Variants in MDFIC2 observed in about 807,000 individuals in gnomAD.
MDFIC2 encodes the protein myoD family inhibitor domain-containing protein 2.
At chr3:70,243,678 G>A (rs753423762) in intron 2 of MDFIC2, among the ~76,000 whole-genome samples, 44 of 152,194 alleles carry the variant, frequency 2.9e-4, no homozygotes, top group Non-Finnish European at 4.7e-4. Context: ...CTTCTCCAAC[G>A]TCTCCAGGTA....
intron 2 of MDFIC2, among the ~76,000 whole-genome samples, chr3:70,247,298 A>G (rs1476981308): frequency 6.6e-6 from 1 of 152,002 alleles, no homozygotes; most frequent in Non-Finnish European, 1.5e-5. Flanking sequence ...TCAGTAAGTT[A>G]TAGGCTGTGT....
chr3:70,248,393 A>G (rs746662520), intron 2 of MDFIC2, among the ~76,000 whole-genome samples: 3 of 152,094 alleles, frequency 2.0e-5, no homozygotes, highest in Admixed American at 6.6e-5. Context: ...ATTGCCAAAA[A>G]GTGTTGGGTT....
At chr3:70,253,439 G>A (rs75081251) in intron 2 of MDFIC2, among the ~76,000 whole-genome samples, 1 of 152,118 alleles carries the variant, frequency 6.6e-6, no homozygotes, top group African/African-American at 2.4e-5. Flanking sequence ...TTTCGGTGGG[G>A]CACCTTATTT....
At chr3:70,241,279 CA>C (rs1203835957) in intron 2 of MDFIC2, among the ~76,000 whole-genome samples, 1 of 152,084 alleles carries the variant, frequency 6.6e-6, no homozygotes, top group East Asian at 1.9e-4. Flanking sequence ...AACATAAAAT[CA>C]AAAGGCAAAT....
At chr3:70,262,241 A>G (rs1701874070) in intron 2 of MDFIC2, among the ~76,000 whole-genome samples, 1 of 152,212 alleles carries the variant, frequency 6.6e-6, no homozygotes, top group South Asian at 2.1e-4. Context: ...AATTATACCA[A>G]TAACGTGAGA....
At chr3:70,201,935 C>T (rs1437192207) in intron 3 of MDFIC2, among the ~76,000 whole-genome samples, 1 of 152,192 alleles carries the variant, frequency 6.6e-6, no homozygotes, top group Non-Finnish European at 1.5e-5. Context: ...TGCTTCTCCT[C>T]CTGCTCTTTG....
rs535319146 is a variant in MDFIC2, at chr3:70,271,396, C to G, written c.88+40490G>C. ...ACTGGTGGAACTCCAATGGTTCCAGCTCACTGGAACCATTTGGGATGCAGA... is the reference window on the plus strand; with the variant it reads ...ACTGGTGGAACTCCAATGGTTCCAGGTCACTGGAACCATTTGGGATGCAGA... On this transcript the variant is annotated intron_variant, in intron 2 of 3. Transcript: ENST00000567252. Among the ~76,000 whole-genome samples, 3 of 152,282 alleles carry G rather than the reference C, an allele frequency of 2.0e-5. No homozygotes were observed. The East Asian group carries it at 5.8e-4, about 29-fold the overall frequency.
chr3:70,301,587 C>T (rs547457512), intron 2 of MDFIC2, among the ~76,000 whole-genome samples: 119 of 152,110 alleles, frequency 7.8e-4, no homozygotes, highest in African/African-American at 2.5e-3. Flanking sequence ...TTTTGTAAAA[C>T]GAATGCTTCT....
chr3:70,245,712 T>TATATAC (rs1701700902), intron 2 of MDFIC2, among the ~76,000 whole-genome samples: 2 of 128,380 alleles, frequency 1.6e-5, no homozygotes, highest in East Asian at 4.6e-4. Context: ...TATATATATA[T>TATATAC]ATACACATTC....
chr3:70,304,002 A>G (rs1268150255), intron 2 of MDFIC2, among the ~76,000 whole-genome samples: 1 of 152,186 alleles, frequency 6.6e-6, no homozygotes, highest in Non-Finnish European at 1.5e-5. Context: ...TTTAGAGAAT[A>G]AAATGTAGTA....
intron 2 of MDFIC2, among the ~76,000 whole-genome samples, chr3:70,268,982 C>G (rs1351667963): frequency 6.6e-6 from 1 of 151,910 alleles, no homozygotes; most frequent in Non-Finnish European, 1.5e-5. Flanking sequence ...TCTTAACCTT[C>G]TTGTATATTA....
chr3:70,260,515 G>A (rs1701856050), intron 2 of MDFIC2, among the ~76,000 whole-genome samples: 1 of 152,034 alleles, frequency 6.6e-6, no homozygotes, highest in Non-Finnish European at 1.5e-5. Flanking sequence ...TTCTGATTGT[G>A]TTAAGTCAAG....
At chr3:70,210,481 C>G (rs1701332501) in intron 2 of MDFIC2, among the ~76,000 whole-genome samples, 1 of 152,112 alleles carries the variant, frequency 6.6e-6, no homozygotes, top group South Asian at 2.1e-4. Flanking sequence ...TTACTGACAT[C>G]TTCCATCTTT....
intron 2 of MDFIC2, among the ~76,000 whole-genome samples, chr3:70,260,542 C>T (rs1306308201): frequency 6.6e-6 from 1 of 152,002 alleles, no homozygotes; most frequent in Non-Finnish European, 1.5e-5. Flanking sequence ...GAGTCCCTAT[C>T]ATGAGACCAG....
intron 2 of MDFIC2, chr3:70,291,968 TC>T (rs1273297614): frequency 6.6e-6 from 1 of 152,194 alleles, no homozygotes; most frequent in Non-Finnish European, 1.5e-5. Flanking sequence ...CTCAGATTCA[TC>T]CATTCATTAA....
At chr3:70,254,710 A>G (rs1353439964) in intron 2 of MDFIC2, among the ~76,000 whole-genome samples, 1 of 152,174 alleles carries the variant, frequency 6.6e-6, no homozygotes, top group Non-Finnish European at 1.5e-5. Context: ...ATAAAATGAA[A>G]AGCAGAAGTT....
chr3:70,303,284 G>T (rs543510163), intron 2 of MDFIC2, among the ~76,000 whole-genome samples: 1 of 152,200 alleles, frequency 6.6e-6, no homozygotes, highest in South Asian at 2.1e-4. Flanking sequence ...CTCTCATTGT[G>T]TGTAGCATTA....
intron 2 of MDFIC2, among the ~76,000 whole-genome samples, chr3:70,256,789 T>C (rs1288806761): frequency 6.6e-6 from 1 of 152,224 alleles, no homozygotes; most frequent in African/African-American, 2.4e-5. Context: ...TTAAGAGTTC[T>C]CTAAACATAT....
In MDFIC2 at chr3:70,246,874, T is replaced by C. The variant is rs143851163; in HGVS notation, c.89-40084A>G. On this transcript the variant is annotated intron_variant, in intron 2 of 3. Transcript: ENST00000567252. ...CCATCTTAAATATTTGTAAATATGT[T>C]TTCTTCTTCACAAAATAGAAATAAT... is the stretch of plus-strand genomic sequence containing the variant. Among the ~76,000 whole-genome samples the C allele has an allele frequency of 4.6e-3, 697 of 152,176 alleles. 3 individuals carry two copies. The highest frequency in any genetic ancestry group is 0.016 in the African/African-American group (658 of 41,558).
Sources: gnomAD v4.1 joint callset for allele counts (sites outside exome capture counted in the v4.1 genomes callset) on GRCh38, gnomAD v4.1.1 for gene constraint, MANE v1.5 for transcripts, NCBI Gene and HGNC (gene_info 2026-07-23, HGNC 2026-07-21) for gene names.